The following RNF214 variants were observed in gnomAD, a reference collection of about 807,000 sequenced individuals.
The protein encoded by RNF214 is ring finger protein 214.
RNF214 carries 25 observed loss-of-function variants against 75.9 expected under a neutral mutation model. That is an observed-to-expected ratio of 0.33 (90% CI 0.24 to 0.46). RNF214 has a LOEUF of 0.46. Among genes scored for constraint, RNF214 ranks in the 20% least tolerant of loss-of-function variants. The pLI is 1.00. For missense variants in RNF214, 725 were observed against 857.5 expected (o/e 0.85, Z 1.93); for synonymous variants, 314 against 308.8 (o/e 1.02, Z -0.18).
At chr11:117,284,293 C>T (rs1046362192) in intron 14 of RNF214, among the ~76,000 whole-genome samples, 1 of 152,186 alleles carries the variant, frequency 6.6e-6, no homozygotes, top group Non-Finnish European at 1.5e-5. Flanking sequence ...ACAAGTCATT[C>T]CTATTTTTTT....
At chr11:117,250,490 TTGC>T (rs1043159628) in intron 6 of RNF214, among the ~76,000 whole-genome samples, 3 of 150,766 alleles carry the variant, frequency 2.0e-5, no homozygotes, top group Admixed American at 6.6e-5. Flanking sequence ...TAAGAGATAC[TTGC>T]TGAAGTTTTA....
intron 2 of RNF214, among the ~76,000 whole-genome samples, chr11:117,235,564 A>T (rs3016582): frequency 0.71 from 102,781 of 144,598 alleles, 37,908 homozygotes; most frequent in East Asian, 0.94. Context: ...AATGGCGTGA[A>T]CCCAGCTCAC....
At chr11:117,245,543 C>T (rs1370532541) in intron 5 of RNF214, among the ~76,000 whole-genome samples, 3 of 151,744 alleles carry the variant, frequency 2.0e-5, no homozygotes, top group Admixed American at 2.0e-4. Context: ...GGGGTTTCAC[C>T]ATGTTAGCCA....
intron 2 of RNF214, among the ~76,000 whole-genome samples, chr11:117,234,865 C>T (rs1435102074): frequency 6.6e-6 from 1 of 152,052 alleles, no homozygotes; most frequent in Non-Finnish European, 1.5e-5. Flanking sequence ...GTTCCAGGAC[C>T]CCTACTGAGG....
intron 6 of RNF214, among the ~76,000 whole-genome samples, chr11:117,257,060 C>T (rs1395877463): frequency 5.9e-5 from 9 of 152,134 alleles, no homozygotes; most frequent in East Asian, 1.9e-4. Context: ...TATGGCCTGC[C>T]GCAGTGGCTC....
At chr11:117,244,687 A>G in intron 5 of RNF214, 102 bp downstream of exon 5, 1 of 875,662 alleles carries the variant, frequency 1.1e-6, no homozygotes, top group Non-Finnish European at 1.6e-6. Context: ...TATTTTTGAG[A>G]CAGAGTCTCA....
chr11:117,282,539 G>A lies in RNF214; in HGVS notation c.1845+3G>A, dbSNP rs747405842. 1 of 1,613,658 alleles carries A rather than the reference G, an allele frequency of 6.2e-7. No homozygotes were observed. The highest frequency in any genetic ancestry group is 1.1e-5 in the South Asian group (1 of 90,974). On this transcript the variant is annotated splice_donor_region_variant and intron_variant, in intron 12 of 14. Transcript: ENST00000300650. ...AGCGGGTGGCAGCAAGTACTCAGGT[G>A]AGAAAAGCCACTTGGGAGAGAACTT...
intron 14 of RNF214, among the ~76,000 whole-genome samples, 160 bp from the exon 15 acceptor site, chr11:117,284,926 T>C (rs1431350336): frequency 6.6e-6 from 1 of 152,046 alleles, no homozygotes; most frequent in Non-Finnish European, 1.5e-5. Flanking sequence ...TGAGACTGGG[T>C]CTCAAAAAAA....
At chr11:117,249,326 T>G (rs2033310797) in intron 6 of RNF214, among the ~76,000 whole-genome samples, 1 of 152,212 alleles carries the variant, frequency 6.6e-6, no homozygotes, top group African/African-American at 2.4e-5. Context: ...TCTGATTGAA[T>G]TGCTACAGAT....
intron 13 of RNF214, 98 bp downstream of exon 13, chr11:117,282,948 G>A (rs1365402664): frequency 9.5e-7 from 1 of 1,056,644 alleles, no homozygotes; most frequent in Non-Finnish European, 1.4e-6. Context: ...CATCAGTTGG[G>A]TTATTTGCAG....
chr11:117,245,411 C>T (rs2033192023), intron 5 of RNF214, among the ~76,000 whole-genome samples: 2 of 150,946 alleles, frequency 1.3e-5, no homozygotes, highest in African/African-American at 2.4e-5. Context: ...ACAATCTCGG[C>T]TCACTGCAAG....
chr11:117,260,155 A>T (rs1173743511), intron 6 of RNF214, among the ~76,000 whole-genome samples: 2 of 151,702 alleles, frequency 1.3e-5, no homozygotes, highest in African/African-American at 4.8e-5. Flanking sequence ...TCTCACTATG[A>T]TGCCCAGGTT....
At chr11:117,283,243 C>A (rs779301617) in intron 14 of RNF214, 33 bp downstream of exon 14, 1 of 1,371,952 alleles carries the variant, frequency 7.3e-7, no homozygotes, top group Non-Finnish European at 1.0e-6. Context: ...ATTTTCTACA[C>A]TTTTTCTTCT....
At chr11:117,236,434 C>A (rs1460740308) in intron 2 of RNF214, among the ~76,000 whole-genome samples, 1 of 152,064 alleles carries the variant, frequency 6.6e-6, no homozygotes, top group Non-Finnish European at 1.5e-5. Context: ...CCACCACACC[C>A]GGCTAATTTT....
chr11:117,246,686 A>G (rs2033234250), intron 5 of RNF214, 123 bp from the exon 6 acceptor site: 2 of 1,030,252 alleles, frequency 1.9e-6, no homozygotes, highest in Non-Finnish European at 1.4e-6. Flanking sequence ...CATTCTTTCA[A>G]TTCAATTTGA....
chr11:117,252,149 G>A (rs972985570), intron 6 of RNF214, among the ~76,000 whole-genome samples: 6 of 152,054 alleles, frequency 3.9e-5, no homozygotes, highest in Non-Finnish European at 7.4e-5. Context: ...GATTACAGGT[G>A]TGAGCCATCC....
At chr11:117,259,870 A>T (rs1211169345) in intron 6 of RNF214, among the ~76,000 whole-genome samples, 1 of 152,134 alleles carries the variant, frequency 6.6e-6, no homozygotes, top group Non-Finnish European at 1.5e-5. Context: ...CTGCCCTCTT[A>T]CATGACTGTT....
chr11:117,242,997 G>C (rs1039722162), intron 4 of RNF214, among the ~76,000 whole-genome samples: 5 of 152,202 alleles, frequency 3.3e-5, no homozygotes, highest in African/African-American at 9.7e-5. Flanking sequence ...TCCACCTGTA[G>C]AAGCCAGGTT....
chr11:117,233,356 G>C (rs1160604389), intron 1 of RNF214, among the ~76,000 whole-genome samples: 3 of 152,186 alleles, frequency 2.0e-5, no homozygotes, highest in Non-Finnish European at 4.4e-5. Context: ...CAGAGGGTCT[G>C]TGGGCTGTGA....
Sources: gnomAD v4.1 joint callset for allele counts (sites outside exome capture counted in the v4.1 genomes callset) on GRCh38, gnomAD v4.1.1 for gene constraint, MANE v1.5 for transcripts, NCBI Gene and HGNC (gene_info 2026-07-23, HGNC 2026-07-21) for gene names.